Variants in ZNF718 observed in about 807,000 individuals in gnomAD.
ZNF718 encodes zinc finger protein 718.
Under a neutral mutation model 2.6 loss-of-function variants are expected in ZNF718, and 3 were observed. The ratio of observed to expected loss-of-function variants is 1.16; its 90% CI spans 0.53 to 3.01. The LOEUF (loss-of-function observed/expected upper bound fraction) is 3.01, where lower values mean the gene tolerates loss of function less well. Among genes scored for constraint, ZNF718 ranks in the 30% most tolerant of loss-of-function variants. The pLI is 0.03. For missense variants in ZNF718, 468 were observed against 230.0 expected, an observed-to-expected ratio of 2.03 and a Z score of -6.69; for synonymous variants, 135 against 77.9, an observed-to-expected ratio of 1.73 and a Z score of -3.86.
rs1715282086 is a variant in ZNF718, at chr4:128,335, G to A, written c.4-2453G>A. Among the ~76,000 whole-genome samples, 2 of 103,928 alleles carry A rather than the reference G, an allele frequency of 1.9e-5. 1 individual carries two copies. The highest frequency in any genetic ancestry group is 6.7e-5 in the African/African-American group (2 of 29,896). 68.2% of individuals were successfully genotyped at this position (103,928 alleles called of 152,430 possible). A position where few individuals can be genotyped will look rare whatever the true frequency, so the allele number is the denominator to read the frequency against. ...GTGACCTGCTACAGCTGTGTGAGAG[G>A]CTTCTGATGGGAACAGAATCCTGTG... On this transcript the variant is annotated intron_variant, in intron 1 of 3. Transcript: ENST00000510175.
At chr4:193,590 G>A (rs1553821568) in intron 3 of ZNF718, among the ~76,000 whole-genome samples, 1 of 152,130 alleles carries the variant, frequency 6.6e-6, no homozygotes, top group East Asian at 1.9e-4. Flanking sequence ...CAACTTAGTG[G>A]CTCAGAGAAG....
intron 3 of ZNF718, among the ~76,000 whole-genome samples, chr4:135,715 GT>G (rs1312939012): frequency 3.4e-5 from 1 of 29,584 alleles, no homozygotes; most frequent in African/African-American, 1.3e-4. Context: ...TTGAGTTTTT[GT>G]TCATTTACTC....
intron 3 of ZNF718, among the ~76,000 whole-genome samples, chr4:175,874 T>TTTTTTTG: frequency 6.7e-6 from 1 of 148,418 alleles, no homozygotes. Context: ...TTTTTTTTTT[T>TTTTTTTG]GAGATGGAGT....
chr4:168,398 A>G (rs190031468), downstream of ZNF718, among the ~76,000 whole-genome samples: 510 of 152,110 alleles, frequency 3.4e-3, 3 homozygotes, highest in African/African-American at 0.012. Flanking sequence ...CTCTTTTTCT[A>G]TTGATTGGAA....
downstream of ZNF718, among the ~76,000 whole-genome samples, chr4:166,494 C>T (rs1208356345): frequency 6.6e-6 from 1 of 152,232 alleles, no homozygotes; most frequent in African/African-American, 2.4e-5. Context: ...TATTTCTCCA[C>T]ATCCTCTCCA....
intron 1 of ZNF718, chr4:125,010 T>A (rs1715136261): frequency 3.9e-6 from 1 of 254,724 alleles, no homozygotes; most frequent in African/African-American, 2.3e-5. Context: ...CTGTTCAGAA[T>A]GAGATTGAGG....
At chr4:184,868 T>C (rs190081640) in intron 3 of ZNF718, among the ~76,000 whole-genome samples, 2 of 152,256 alleles carry the variant, frequency 1.3e-5, no homozygotes, top group Admixed American at 1.3e-4. Context: ...TCTCTTTTAT[T>C]ATTTCTGATT....
At chr4:145,711 G>T (rs1716022257) in intron 3 of ZNF718, among the ~76,000 whole-genome samples, 1 of 152,032 alleles carries the variant, frequency 6.6e-6, no homozygotes, top group Admixed American at 6.6e-5. Context: ...ACCTGCCTTG[G>T]CCTCTCCAAG....
At chr4:144,769 C>T (rs1029803744) in intron 3 of ZNF718, among the ~76,000 whole-genome samples, 4 of 151,934 alleles carry the variant, frequency 2.6e-5, no homozygotes, top group Non-Finnish European at 5.9e-5. Context: ...TTGTGGCTAC[C>T]GTAAATGGAA....
intron 3 of ZNF718, among the ~76,000 whole-genome samples, chr4:169,793 C>T (rs1717179305): frequency 6.6e-6 from 1 of 152,138 alleles, no homozygotes; most frequent in South Asian, 2.1e-4. Flanking sequence ...GGTCTTGACT[C>T]TTTATCCAAT....
At chr4:182,684 CAG>C (rs1717492466) in intron 3 of ZNF718, among the ~76,000 whole-genome samples, 1 of 152,064 alleles carries the variant, frequency 6.6e-6, no homozygotes. Context: ...CCGCCCACCT[CAG>C]CCTCCCAAAA....
At chr4:141,094 T>A (rs782234871) in intron 3 of ZNF718, among the ~76,000 whole-genome samples, 13 of 152,194 alleles carry the variant, frequency 8.5e-5, no homozygotes, top group Non-Finnish European at 1.9e-4. Flanking sequence ...GGATTTTTTG[T>A]TTTTTAGGGT....
In ZNF718 at chr4:162,039, A is replaced by C; in HGVS notation, c.1354A>C (p.Lys452Gln). ...AATTCACACTGTAGATAAACCCTAC[A>C]AATGTAAAGAATGCGGGAAAGCTTT... ...KKIHTVDKPY[K>Q]CKECGKAFKQ... The change falls in exon 4 of 4, where the codon AAA (lysine) becomes CAA (glutamine). Residue 452 changes from lysine (K) to glutamine (Q), a missense_variant. By Grantham distance (53) the Lys-to-Gln change is moderately conservative. Transcript: ENST00000510175. 1 of 777,756 alleles carries C rather than the reference A, an allele frequency of 1.3e-6. No homozygotes were observed. Among genetic ancestry groups the C allele is most frequent in the Non-Finnish European group, 2.4e-6 (1 of 416,258 alleles). The allele number at this position is 777,756 out of a possible 1,614,324, so 48.2% of individuals were successfully genotyped here. A position where few individuals can be genotyped will look rare whatever the true frequency, so the allele number is the denominator to read the frequency against.
At chr4:167,067 A>G (rs984870412), downstream of ZNF718, among the ~76,000 whole-genome samples, 2 of 152,120 alleles carry the variant, frequency 1.3e-5, no homozygotes, top group Non-Finnish European at 2.9e-5. Flanking sequence ...CTTTCTACAT[A>G]TGGCTAGCCA....
intron 3 of ZNF718, among the ~76,000 whole-genome samples, chr4:198,526 G>A (rs1171662844): frequency 6.6e-6 from 1 of 152,118 alleles, no homozygotes; most frequent in Non-Finnish European, 1.5e-5. Context: ...AGTCCTGCAG[G>A]GCACCTATGA....
At chr4:198,257 T>C (rs1379710761) in intron 3 of ZNF718, among the ~76,000 whole-genome samples, 3 of 152,034 alleles carry the variant, frequency 2.0e-5, no homozygotes, top group African/African-American at 7.2e-5. Context: ...CCTGGCCAGG[T>C]CATAGACTAT....
At chr4:156,559 T>G (rs147104643) in intron 3 of ZNF718, among the ~76,000 whole-genome samples, 1 of 152,212 alleles carries the variant, frequency 6.6e-6, no homozygotes, top group African/African-American at 2.4e-5. Flanking sequence ...GACATTGTTA[T>G]GCATTGTATC....
chr4:174,763 C>T (rs993669598), intron 3 of ZNF718, among the ~76,000 whole-genome samples: 12 of 152,164 alleles, frequency 7.9e-5, no homozygotes, highest in Non-Finnish European at 1.5e-4. Flanking sequence ...CAAGGCCCTT[C>T]TCAAATAAAT....
downstream of ZNF718, among the ~76,000 whole-genome samples, chr4:168,880 C>A (rs2108808912): frequency 6.6e-6 from 1 of 152,242 alleles, no homozygotes; most frequent in South Asian, 2.1e-4. Context: ...TTAGTTATTT[C>A]TTGCCTTCTG....
Sources: gnomAD v4.1 joint callset for allele counts (sites outside exome capture counted in the v4.1 genomes callset) on GRCh38, gnomAD v4.1.1 for gene constraint, MANE v1.5 for transcripts, NCBI Gene and HGNC (gene_info 2026-07-23, HGNC 2026-07-21) for gene names.